Variants in CAPN8 observed in about 807,000 individuals in gnomAD.
CAPN8 encodes calpain 8.
In CAPN8, 87 loss-of-function variants were observed where a neutral mutation model predicts 80.9. The observed-to-expected ratio is 1.07, with a 90% confidence interval of 0.90 to 1.28. CAPN8 has a LOEUF of 1.28. Ranked by LOEUF, CAPN8 falls within the 50% of genes most tolerant of loss-of-function variation. CAPN8 has a pLI of 0.00. For missense variants in CAPN8, 757 were observed against 702.0 expected, an observed-to-expected ratio of 1.08 and a Z score of -0.89; for synonymous variants, 299 against 273.8, an observed-to-expected ratio of 1.09 and a Z score of -0.91.
chr1:223,642,523 C>A (rs57611697), intron 2 of CAPN8, among the ~76,000 whole-genome samples: 26,937 of 152,124 alleles, frequency 0.18, 2,997 homozygotes, highest in East Asian at 0.29. Context: ...TATCACACAT[C>A]ACTACATTTG....
intron 2 of CAPN8, among the ~76,000 whole-genome samples, chr1:223,638,360 G>GT (rs1558351160): frequency 4.4e-4 from 67 of 150,754 alleles, no homozygotes; most frequent in African/African-American, 1.6e-3. Context: ...GACTGTATGG[G>GT]GTGTGTGTGT....
intron 2 of CAPN8, 35 bp downstream of exon 2, chr1:223,654,295 T>C: frequency 3.2e-6 from 5 of 1,541,956 alleles, no homozygotes; most frequent in Non-Finnish European, 4.4e-6. Flanking sequence ...ACCCGCCCTC[T>C]CCCAAAACAA....
chr1:223,550,726 G>A (rs540156600), intron 15 of CAPN8, among the ~76,000 whole-genome samples: 10 of 152,044 alleles, frequency 6.6e-5, no homozygotes, highest in African/African-American at 2.4e-4. Context: ...GTTCCTTCAG[G>A]TGCTGGCTGC....
intron 1 of CAPN8, among the ~76,000 whole-genome samples, chr1:223,656,144 T>C (rs1658478993): frequency 6.7e-6 from 1 of 149,388 alleles, no homozygotes; most frequent in African/African-American, 2.4e-5. Context: ...AAACAGCTCC[T>C]CTGGGCTGAC....
chr1:223,547,754 C>G (rs947198988), intron 16 of CAPN8, among the ~76,000 whole-genome samples: 1 of 152,104 alleles, frequency 6.6e-6, no homozygotes, highest in African/African-American at 2.4e-5. Flanking sequence ...CCTCTTTGAA[C>G]CGTGAGAGAC....
rs1045557012 is a variant in CAPN8 at position 223,627,151 on chromosome 1, A to G, written c.567T>C (p.Asn189=). 25 of 1,552,188 alleles carry G rather than the reference A, an allele frequency of 1.6e-5. No individual in the cohort carries two copies. Among genetic ancestry groups the G allele is most frequent in the Non-Finnish European group, 2.2e-5 (25 of 1,147,100 alleles). Reference sequence around the variant, plus strand: ...CTCCAGCGAGAGCCTCATAACAACCATTAAGCCTATTGGAAAAGAAAGAAC... The same window carrying G: ...CTCCAGCGAGAGCCTCATAACAACCGTTAAGCCTATTGGAAAAGAAAGAAC... ...ALLEKAYAKL[N]GCYEALAGGS... The change falls in exon 5 of 21, where the codon AAT becomes AAC. Residue 189 remains asparagine, a synonymous_variant. Transcript: ENST00000366872.
Position 223,617,667 on chromosome 1 carries a change from C to G in CAPN8, c.1136-1522G>C, listed in dbSNP as rs555496210. 5.9e-5 allele frequency: 9 copies of G among 152,336 alleles called. 1 individual carries two copies. In the South Asian group the frequency reaches 1.9e-3, roughly 32 times the overall value. 9.4% of individuals were successfully genotyped at this position (152,336 alleles called of 1,614,324 possible). On this transcript the variant is annotated intron_variant, in intron 9 of 20. Transcript: ENST00000366872. ...GCAATCCATACATTTTTTGTTTACTCCTTAACAGTACTGGAGGAAGAGAAT... is the reference window on the plus strand; with the variant it reads ...GCAATCCATACATTTTTTGTTTACTGCTTAACAGTACTGGAGGAAGAGAAT...
chr1:223,544,792 C>T lies in CAPN8; in HGVS notation c.1892G>A (p.Arg631Lys), dbSNP rs145242728. The change falls in exon 18 of 21, where the codon AGG becomes AAG. Residue 631 changes from arginine (R) to lysine (K), a missense_variant. Arg to Lys is a conservative substitution (Grantham distance 26). Coordinates refer to ENST00000366872, the MANE Select transcript of CAPN8 (RefSeq NM_001143962.2). ...CTCACCTGCCTTCCTGAGGGCTGTCCTCATCTCGTGGGCATCGATGGTGCC... is the reference window on the plus strand; with the variant it reads ...CTCACCTGCCTTCCTGAGGGCTGTCTTCATCTCGTGGGCATCGATGGTGCC... ...HSGTIDAHEM[R>K]TALRKAGFTL... is the part of the protein sequence containing the mutation. The T allele has an allele frequency of 4.5e-6, 7 of 1,551,676 alleles. No homozygotes were observed. The highest frequency in any genetic ancestry group is 1.4e-5 in the African/African-American group (1 of 73,154).
At chr1:223,642,958 A>G (rs752862232) in intron 2 of CAPN8, 31 of 363,306 alleles carry the variant, frequency 8.5e-5, no homozygotes, top group Non-Finnish European at 1.5e-4. Context: ...AGTAAATTAT[A>G]AAAGTGGAAT....
chr1:223,634,858 A>G (rs1215947816), intron 2 of CAPN8, among the ~76,000 whole-genome samples: 1 of 152,212 alleles, frequency 6.6e-6, no homozygotes, highest in African/African-American at 2.4e-5. Context: ...GGGAGCGGGG[A>G]CAGATACAAA....
intron 4 of CAPN8, among the ~76,000 whole-genome samples, chr1:223,627,606 C>T (rs748926945): frequency 9.2e-5 from 14 of 152,184 alleles, no homozygotes; most frequent in Admixed American, 3.9e-4. Context: ...GAACATCAAA[C>T]GCTGGTGAGA....
chr1:223,637,050 G>A (rs11584292), intron 2 of CAPN8, among the ~76,000 whole-genome samples: 16 of 151,940 alleles, frequency 1.1e-4, no homozygotes, highest in Non-Finnish European at 1.8e-4. Flanking sequence ...TCATCTCCCC[G>A]ACCTTCTGAC....
rs1321218752 is a variant in CAPN8 at position 223,544,856 on chromosome 1, G to T, written c.1834-6C>A. ...TCAGTTTCCCAATAGATCTCCTAAA[G>T]CAGGAAAGAAATCCCAAGTAGAAAA... On this transcript the variant is annotated splice_polypyrimidine_tract_variant and splice_region_variant and intron_variant, in intron 17 of 20. Transcript: ENST00000366872. 6.4e-7 allele frequency: 1 copy of T among 1,551,512 alleles called. No individual in the cohort carries two copies. Among genetic ancestry groups the T allele is most frequent in the East Asian group, 2.4e-5 (1 of 40,924 alleles).
At chr1:223,647,862 A>G (rs1345914094) in intron 2 of CAPN8, among the ~76,000 whole-genome samples, 1 of 152,194 alleles carries the variant, frequency 6.6e-6, no homozygotes, top group Non-Finnish European at 1.5e-5. Context: ...TAGACAACAT[A>G]ATTATGAAAT....
chr1:223,650,624 G>A (rs1051991027), intron 2 of CAPN8, among the ~76,000 whole-genome samples: 35 of 152,166 alleles, frequency 2.3e-4, no homozygotes, highest in African/African-American at 7.7e-4. Context: ...GAAGAGAGAT[G>A]GGCAGAGAGT....
intron 14 of CAPN8, among the ~76,000 whole-genome samples, chr1:223,553,243 G>A (rs1656837068): frequency 6.6e-6 from 1 of 152,200 alleles, no homozygotes; most frequent in African/African-American, 2.4e-5. Flanking sequence ...TGCTACCAAA[G>A]TGAACGGAAG....
chr1:223,546,576 G>A (rs2102687405), intron 16 of CAPN8, among the ~76,000 whole-genome samples: 1 of 152,300 alleles, frequency 6.6e-6, no homozygotes, highest in East Asian at 1.9e-4. Flanking sequence ...CAGAACAGTA[G>A]TATGCAAAGG....
intron 17 of CAPN8, 87 bp from the exon 18 acceptor site, chr1:223,544,937 A>G (rs1263179461): frequency 3.9e-6 from 6 of 1,542,292 alleles, no homozygotes; most frequent in Non-Finnish European, 5.2e-6. Context: ...GCTTTCTCAA[A>G]AGGCCAGGGA....
rs1657670262 is a variant in CAPN8, at chr1:223,628,541, A to C, written c.426+121T>G. The C allele has an allele frequency of 4.1e-6, 3 of 728,262 alleles. No individual in the cohort carries two copies. In the Admixed American group the frequency reaches 7.6e-5, roughly 18 times the overall value. 45.1% of individuals were successfully genotyped at this position (728,262 alleles called of 1,614,324 possible). ...ACTGAAGTGTGCATCAGAGTCACCT[A>C]GAGGGATTATTAAGACATAGGTCAC... On this transcript the variant is annotated intron_variant, in intron 3 of 20. Coordinates refer to ENST00000366872, the MANE Select transcript of CAPN8 (RefSeq NM_001143962.2).
Sources: allele counts gnomAD v4.1 joint callset (sites outside exome capture counted in the v4.1 genomes callset), GRCh38; gene constraint gnomAD v4.1.1; transcripts MANE v1.5; gene names NCBI Gene and HGNC (gene_info 2026-07-23, HGNC 2026-07-21).